RAB38: variants seen among roughly 807,000 people sequenced by gnomAD.
The protein encoded by RAB38 is ras-related protein Rab-38.
In RAB38, 15 loss-of-function variants were observed where a neutral mutation model predicts 18.4. The ratio of observed to expected loss-of-function variants is 0.82; its 90% confidence interval spans 0.55 to 1.26. The LOEUF (loss-of-function observed/expected upper bound fraction) is 1.26. Among genes scored for constraint, RAB38 ranks in the 50% most tolerant of loss-of-function variants. The pLI, the probability that RAB38 is intolerant of heterozygous loss-of-function variation, is 0.00. For missense variants in RAB38, 294 were observed against 267.4 expected (o/e 1.10, Z -0.69); for synonymous variants, 101 against 104.4 (o/e 0.97, Z 0.20).
At chr11:87,842,429 C>T in the RAB38 span, among the ~76,000 whole-genome samples, 1 of 152,156 alleles carries the variant, frequency 6.6e-6, no homozygotes, top group South Asian at 2.1e-4. Context: ...GCTCCAAGGC[C>T]TACCTCATTT....
chr11:88,108,828 G>A (rs117690194), downstream of RAB38, among the ~76,000 whole-genome samples: 4,300 of 152,214 alleles, frequency 0.028, 114 homozygotes, highest in Middle Eastern at 0.075. Flanking sequence ...TAAAGCAGGC[G>A]TGGTGGTGAC....
chr11:87,942,438 A>C, the RAB38 span, among the ~76,000 whole-genome samples: 1 of 152,150 alleles, frequency 6.6e-6, no homozygotes. Flanking sequence ...TAATAAAAAT[A>C]AAAGGCTTTA....
intron 1 of RAB38, among the ~76,000 whole-genome samples, chr11:88,152,681 A>G (rs1446868893): frequency 6.6e-6 from 1 of 152,188 alleles, no homozygotes; most frequent in Non-Finnish European, 1.5e-5. Flanking sequence ...AAGAATGAGA[A>G]CCATGTGACT....
chr11:87,862,597 A>G, the RAB38 span, among the ~76,000 whole-genome samples: 1 of 151,780 alleles, frequency 6.6e-6, no homozygotes, highest in African/African-American at 2.4e-5. Flanking sequence ...AATCTGTACA[A>G]CAAACCCCCA....
chr11:88,116,778 A>AG (rs1942559209), intron 2 of RAB38, among the ~76,000 whole-genome samples: 1 of 152,234 alleles, frequency 6.6e-6, no homozygotes, highest in Admixed American at 6.5e-5. Flanking sequence ...CTTTCTTCGT[A>AG]TATGATAAAA....
the RAB38 span, among the ~76,000 whole-genome samples, chr11:88,084,679 C>A: frequency 6.6e-6 from 1 of 151,796 alleles, no homozygotes; most frequent in East Asian, 1.9e-4. Context: ...CATATAACAG[C>A]TCTCTCTCTT....
chr11:88,130,467 A>G (rs547739425), intron 2 of RAB38, among the ~76,000 whole-genome samples: 2 of 152,338 alleles, frequency 1.3e-5, no homozygotes, highest in African/African-American at 4.8e-5. Flanking sequence ...ATCACTGAAG[A>G]GACGGACTAG....
At chr11:88,035,831 T>G in the RAB38 span, among the ~76,000 whole-genome samples, 3 of 152,106 alleles carry the variant, frequency 2.0e-5, no homozygotes, top group African/African-American at 7.2e-5. Flanking sequence ...GGAAAAATAG[T>G]GGTGCTGATC....
At chr11:87,899,916 A>G in the RAB38 span, among the ~76,000 whole-genome samples, 1 of 151,336 alleles carries the variant, frequency 6.6e-6, no homozygotes, top group African/African-American at 2.4e-5. Flanking sequence ...TATTTGCTTT[A>G]CCTCTGCAAC....
At chr11:88,124,049 G>T (rs1942662471) in intron 2 of RAB38, among the ~76,000 whole-genome samples, 1 of 152,114 alleles carries the variant, frequency 6.6e-6, no homozygotes, top group African/African-American at 2.4e-5. Context: ...AACTATTTCT[G>T]CCAGCATTGT....
At chr11:87,819,297 T>C in the RAB38 span, among the ~76,000 whole-genome samples, 2 of 152,176 alleles carry the variant, frequency 1.3e-5, no homozygotes, top group East Asian at 3.9e-4. Flanking sequence ...CTTGACTCCT[T>C]TGGCTGCAGT....
the RAB38 span, among the ~76,000 whole-genome samples, chr11:87,846,484 T>C: frequency 6.6e-5 from 10 of 151,986 alleles, no homozygotes; most frequent in African/African-American, 2.4e-4. Context: ...TTAAGAAAAG[T>C]AAGATTACAA....
At chr11:88,031,335 C>T in the RAB38 span, among the ~76,000 whole-genome samples, 1 of 147,930 alleles carries the variant, frequency 6.8e-6, no homozygotes, top group African/African-American at 2.5e-5. Flanking sequence ...GGGATGTCCT[C>T]TCTCACCACT....
At chr11:88,031,970 C>T in the RAB38 span, among the ~76,000 whole-genome samples, 1 of 151,196 alleles carries the variant, frequency 6.6e-6, no homozygotes, top group South Asian at 2.1e-4. Context: ...CACTACCTGA[C>T]TTCAAACTAT....
At chr11:88,034,464 C>T in the RAB38 span, among the ~76,000 whole-genome samples, 2 of 152,184 alleles carry the variant, frequency 1.3e-5, no homozygotes, top group African/African-American at 4.8e-5. Context: ...TTTACATTCC[C>T]AACAGCAATG....
At chr11:87,838,125 T>A in the RAB38 span, among the ~76,000 whole-genome samples, 94,029 of 147,736 alleles carry the variant, frequency 0.64, 31,018 homozygotes, top group Non-Finnish European at 0.73. Flanking sequence ...TTTTATTTTT[T>A]TTTTTTTGAG....
chr11:88,138,764 T>C (rs961186660), intron 2 of RAB38, among the ~76,000 whole-genome samples: 1 of 145,026 alleles, frequency 6.9e-6, no homozygotes, highest in Non-Finnish European at 1.5e-5. Flanking sequence ...ATACATACAA[T>C]TTTTATTATT....
At chr11:88,132,125 A>G (rs1327865335) in intron 2 of RAB38, among the ~76,000 whole-genome samples, 1 of 152,222 alleles carries the variant, frequency 6.6e-6, no homozygotes, top group Non-Finnish European at 1.5e-5. Context: ...AAAGGACCCA[A>G]CCAACCTGTG....
the RAB38 span, among the ~76,000 whole-genome samples, chr11:88,056,828 A>C: frequency 2.7e-5 from 4 of 148,660 alleles, no homozygotes; most frequent in African/African-American, 5.0e-5. Context: ...TAAATAAATA[A>C]ATAAATACAT....
Sources: allele counts gnomAD v4.1 joint callset (sites outside exome capture counted in the v4.1 genomes callset), GRCh38; gene constraint gnomAD v4.1.1; transcripts MANE v1.5; gene names NCBI Gene and HGNC (gene_info 2026-07-23, HGNC 2026-07-21).